Variants in CARS1 observed in about 807,000 individuals in gnomAD.
CARS1 encodes cysteinyl-tRNA synthetase 1, also known as cysteine--tRNA ligase, cytoplasmic.
Under a neutral mutation model 106.2 loss-of-function variants are expected in CARS1, and 48 were observed. The ratio of observed to expected loss-of-function variants is 0.45; its 90% CI spans 0.36 to 0.57. The LOEUF (loss-of-function observed/expected upper bound fraction) is 0.57, where lower values mean the gene tolerates loss of function less well. Ranked by LOEUF, CARS1 falls within the 20% of genes least tolerant of loss-of-function variation. The pLI, the probability that CARS1 is intolerant of heterozygous loss-of-function variation, is 0.00. For synonymous variants in CARS1, 409 were observed against 403.4 expected (o/e 1.01, Z -0.17); for missense variants, 968 against 1,057.2 (o/e 0.92, Z 1.17).
At chr11:3,012,885 T>C (rs1411587730) in intron 17 of CARS1, among the ~76,000 whole-genome samples, 1 of 73,178 alleles carries the variant, frequency 1.4e-5, no homozygotes, top group South Asian at 3.2e-4. Context: ...TATATTTCCC[T>C]TTTTTTTTTT....
Position 3,021,730 on chromosome 11 carries a change from C to CA in CARS1, c.1154-1399dup, listed in dbSNP as rs1452534497. On this transcript the variant is annotated intron_variant, in intron 10 of 22. Transcript: ENST00000380525. This position sits in a 1 kb window ranked among gnomAD's most constrained non-coding sequence, Gnocchi z 5.3. ...ATTAAAAAACAAACACACAAAAACA[C>CA]AAAAAACCTCTGCAAGCAAAATCCA... Among the ~76,000 whole-genome samples, 2 of 152,164 alleles carry CA rather than the reference C, an allele frequency of 1.3e-5. No homozygotes were observed. The highest frequency in any genetic ancestry group is 4.8e-5 in the African/African-American group (2 of 41,442).
chr11:3,026,700 G>C lies in CARS1; in HGVS notation c.1129C>G (p.Gln377Glu), dbSNP rs772901347. The C allele has an allele frequency of 1.7e-5, 27 of 1,614,000 alleles. No homozygotes were observed. The highest frequency in any genetic ancestry group is 2.3e-5 in the Non-Finnish European group (27 of 1,179,986). ...CCTTCCCCTTCTTGAAGGGCTTTCT[G>C]ATCTCCAACGGCCTCAGGCACCAGC... The part of the protein sequence containing the change: ...GKLVPEAVGD[Q>E]KALQEGEGDL... Residue 377 changes from glutamine (Q) to glutamate (E), a missense_variant, in exon 10 of 23, where the codon CAG becomes GAG. Physicochemically the swap from Gln to Glu is conservative, Grantham distance 29. Coordinates refer to ENST00000380525, the MANE Select transcript of CARS1 (RefSeq NM_001014437.3).
In CARS1 at chr11:3,040,146, T is replaced by C. The variant is rs1209316213; in HGVS notation, c.456-215A>G. 2.0e-6 allele frequency: 1 copy of C among 497,724 alleles called. No homozygotes were observed. The highest frequency in any genetic ancestry group is 3.5e-6 in the Non-Finnish European group (1 of 284,170). The allele number at this position is 497,724 out of a possible 1,614,324, so 30.8% of individuals were successfully genotyped here. The stretch of plus-strand genomic sequence containing the variant: ...TGATCCACTTCCACCTAATGAATAG[T>C]AAATATATTGCCTCTCCCTTATGAT... On this transcript the variant is annotated intron_variant, in intron 4 of 22. Transcript: ENST00000380525. The surrounding 1 kb of genome is among the most constrained non-coding windows in gnomAD (Gnocchi z 5.8).
At chr11:3,056,121 C>T (rs1856179125) in intron 1 of CARS1, among the ~76,000 whole-genome samples, 1 of 152,162 alleles carries the variant, frequency 6.6e-6, no homozygotes, top group Non-Finnish European at 1.5e-5. Context: ...AGAGTGTAGC[C>T]CTGTCATCTG....
intron 10 of CARS1, among the ~76,000 whole-genome samples, chr11:3,023,405 T>C (rs971504660): frequency 2.0e-5 from 3 of 152,196 alleles, no homozygotes; most frequent in Non-Finnish European, 4.4e-5. Context: ...CATACATACA[T>C]TCAAACACAC....
intron 19 of CARS1, 45 bp from the exon 20 acceptor site, chr11:3,005,478 C>T (rs553637981): frequency 2.1e-5 from 32 of 1,525,854 alleles, no homozygotes; most frequent in African/African-American, 9.6e-5. Flanking sequence ...CTCTGTGGGC[C>T]GTCCCCACTG....
intron 7 of CARS1, among the ~76,000 whole-genome samples, chr11:3,036,302 T>C (rs1362714477): frequency 6.6e-6 from 1 of 152,180 alleles, no homozygotes; most frequent in Non-Finnish European, 1.5e-5. Flanking sequence ...GTGTGGGCAG[T>C]GTTGGGAACC....
Position 3,028,613 on chromosome 11 carries a change from A to C in CARS1, c.1031+383T>G, listed in dbSNP as rs80871. ...ATAGCCAAGCGATAGATGCTGATGA[A>C]ATGCATCCTCCTTCGGGATATGACA... On this transcript the variant is annotated intron_variant, in intron 9 of 22. Transcript: ENST00000380525. The surrounding 1 kb of genome is among the most constrained non-coding windows in gnomAD (Gnocchi z 4.4). The C allele has an allele frequency of 0.36, 103,079 of 285,476 alleles. 21,609 individuals are homozygous for C. The highest frequency in any genetic ancestry group is 0.64 in the East Asian group (9,202 of 14,408). 17.7% of individuals were successfully genotyped at this position (285,476 alleles called of 1,614,324 possible).
At chr11:3,014,074 G>C (rs12417389) in intron 17 of CARS1, among the ~76,000 whole-genome samples, 49,944 of 151,996 alleles carry the variant, frequency 0.33, 10,156 homozygotes, top group East Asian at 0.63. Flanking sequence ...GGGGGTTTTC[G>C]ATCTGTATCT....
chr11:3,037,916 C>G lies in CARS1; in HGVS notation c.801+134G>C. Reference sequence around the variant, plus strand: ...CACCGCAGAACAGGGCCGCCTGCCACAGTGGAGCTACTGGAGACACAGAGT... The same window carrying G: ...CACCGCAGAACAGGGCCGCCTGCCAGAGTGGAGCTACTGGAGACACAGAGT... On this transcript the variant is annotated intron_variant, in intron 7 of 22. Coordinates refer to ENST00000380525, the MANE Select transcript of CARS1 (RefSeq NM_001014437.3). This position sits in a 1 kb window ranked among gnomAD's most constrained non-coding sequence, Gnocchi z 5.9. 2 of 884,184 alleles carry G rather than the reference C, an allele frequency of 2.3e-6. No individual in the cohort carries two copies. The highest frequency in any genetic ancestry group is 3.4e-6 in the Non-Finnish European group (2 of 586,896). 54.8% of individuals were successfully genotyped at this position (884,184 alleles called of 1,614,324 possible). A position where few individuals can be genotyped will look rare whatever the true frequency, so the allele number is the denominator to read the frequency against.
In CARS1 at chr11:3,008,663, G is replaced by A. The variant is rs978587358; in HGVS notation, c.2069-1704C>T. 1 of 151,498 alleles carries A rather than the reference G, an allele frequency of 6.6e-6. No homozygotes were observed. Among genetic ancestry groups the A allele is most frequent in the African/African-American group, 2.4e-5 (1 of 41,176 alleles). The allele number at this position is 151,498 out of a possible 1,614,324, so 9.4% of individuals were successfully genotyped here. A position where few individuals can be genotyped will look rare whatever the true frequency, so the allele number is the denominator to read the frequency against. Reference sequence around the variant, plus strand: ...GCATATCCTTGGGCTTCAAGGCCGCGCTCATAAGCACAGCCACTTTGGGCA... The same window carrying A: ...GCATATCCTTGGGCTTCAAGGCCGCACTCATAAGCACAGCCACTTTGGGCA... On this transcript the variant is annotated intron_variant, in intron 18 of 22. Transcript: ENST00000380525. This position sits in a 1 kb window ranked among gnomAD's most constrained non-coding sequence, Gnocchi z 5.1.
chr11:3,007,189 G>A (rs1398392679), intron 18 of CARS1: 8 of 579,760 alleles, frequency 1.4e-5, no homozygotes, highest in Admixed American at 3.0e-5. Context: ...AGTGTCTCCC[G>A]TAAGCCCAGG....
In CARS1 at chr11:3,044,482, C is replaced by A. The variant is rs140016164; in HGVS notation, c.275-2226G>T. ...CGCAATCTCAACTCACTGCAACCTC[C>A]GCCTCCTGAGTTCAAGCGATTATCC... On this transcript the variant is annotated intron_variant, in intron 2 of 22. Coordinates refer to ENST00000380525, the MANE Select transcript of CARS1 (RefSeq NM_001014437.3). The surrounding 1 kb of genome is among the most constrained non-coding windows in gnomAD (Gnocchi z 4.4). Among the ~76,000 whole-genome samples the A allele has an allele frequency of 6.6e-6, 1 of 151,914 alleles. No homozygotes were observed. The highest frequency in any genetic ancestry group is 2.4e-5 in the African/African-American group (1 of 41,330).
In CARS1 at chr11:3,044,146, C is replaced by T. The variant is rs975663502; in HGVS notation, c.275-1890G>A. ...CTTCAATAGGACACTGCTGCCATCT[C>T]AGACAGCTGGAGACGCTGCCCAGAA... On this transcript the variant is annotated intron_variant, in intron 2 of 22. Coordinates refer to ENST00000380525, the MANE Select transcript of CARS1 (RefSeq NM_001014437.3). This position sits in a 1 kb window ranked among gnomAD's most constrained non-coding sequence, Gnocchi z 4.4. Among the ~76,000 whole-genome samples, 9 of 152,190 alleles carry T rather than the reference C, an allele frequency of 5.9e-5. No individual in the cohort carries two copies. Among genetic ancestry groups the T allele is most frequent in the Non-Finnish European group, 2.9e-5 (2 of 68,044 alleles).
Position 3,018,844 on chromosome 11 carries a change from C to T in CARS1, c.1396-95G>A, listed in dbSNP as rs79106948. ...TCTGCTGCCTTGTTGGTGCTGTCCA[C>T]AGGCAGGAGCTGCGTTTTCCAGGTG... On this transcript the variant is annotated intron_variant, in intron 12 of 22. Coordinates refer to ENST00000380525, the MANE Select transcript of CARS1 (RefSeq NM_001014437.3). The T allele has an allele frequency of 1.2e-3, 1,845 of 1,479,946 alleles. 22 individuals are homozygous for T. The African/African-American group carries it at 0.023, about 18-fold the overall frequency. The allele number at this position is 1,479,946 out of a possible 1,614,324, so 91.7% of individuals were successfully genotyped here.
chr11:3,018,073 C>T, intron 14 of CARS1, 119 bp from the exon 15 acceptor site: 1 of 667,108 alleles, frequency 1.5e-6, no homozygotes, highest in Non-Finnish European at 2.6e-6. Context: ...ACCAGAATTA[C>T]ACAAGTGGTC....
Position 3,038,763 on chromosome 11 carries a change from G to A in CARS1, c.651+431C>T, listed in dbSNP as rs1461146638. 6.6e-6 allele frequency among the ~76,000 whole-genome samples: 1 copy of A among 152,190 alleles called. No homozygotes were observed. The highest frequency in any genetic ancestry group is 1.5e-5 in the Non-Finnish European group (1 of 68,026). On this transcript the variant is annotated intron_variant, in intron 6 of 22. Transcript: ENST00000380525. This position sits in a 1 kb window ranked among gnomAD's most constrained non-coding sequence, Gnocchi z 4.0. ...TTATTCAGAATGAAAATACTAGAGA[G>A]AACTAATTTCTTCAAAAGATTCTGA...
rs1360726284 is a variant in CARS1, at chr11:3,053,003, G to A, written c.25+4340C>T. Among the ~76,000 whole-genome samples the A allele has an allele frequency of 6.6e-6, 1 of 152,242 alleles. No individual in the cohort carries two copies. Among genetic ancestry groups the A allele is most frequent in the Non-Finnish European group, 1.5e-5 (1 of 68,040 alleles). On this transcript the variant is annotated intron_variant, in intron 1 of 22. Transcript: ENST00000380525. The surrounding 1 kb of genome is among the most constrained non-coding windows in gnomAD (Gnocchi z 6.6). ...TCAACACATTGAGGGACATGGGAAT[G>A]TCCCAAAGGTGGATGGTGGTTGTCA...
rs1044640689 is a variant in CARS1 at position 3,045,555 on chromosome 11, C to T, written c.274+2198G>A. Among the ~76,000 whole-genome samples the T allele has an allele frequency of 4.6e-5, 7 of 152,300 alleles. No homozygotes were observed. The highest frequency in any genetic ancestry group is 1.7e-4 in the African/African-American group (7 of 41,570). On this transcript the variant is annotated intron_variant, in intron 2 of 22. Coordinates refer to ENST00000380525, the MANE Select transcript of CARS1 (RefSeq NM_001014437.3). This position sits in a 1 kb window ranked among gnomAD's most constrained non-coding sequence, Gnocchi z 5.6. ...CTGGGATTACAGGAGTGAGCCACCG[C>T]GCCGGGCCAAGCAGAGTCTTTCCAT...
Sources: allele counts gnomAD v4.1 joint callset (sites outside exome capture counted in the v4.1 genomes callset), GRCh38; gene constraint gnomAD v4.1.1; non-coding constraint Gnocchi (gnomAD v3.1); transcripts MANE v1.5; gene names NCBI Gene and HGNC (gene_info 2026-07-23, HGNC 2026-07-21).